PACSIN2: variants seen among roughly 807,000 people sequenced by gnomAD.
PACSIN2 encodes the protein protein kinase C and casein kinase substrate in neurons protein 2.
PACSIN2 carries 25 observed loss-of-function variants against 63.8 expected under a neutral mutation model. That is an observed-to-expected ratio of 0.39 (90% CI 0.29 to 0.55). PACSIN2 has a LOEUF of 0.55. PACSIN2 is among the 20% of genes least tolerant of loss of function. The pLI, the probability that PACSIN2 is intolerant of heterozygous loss-of-function variation, is 0.62. For missense variants in PACSIN2, 518 were observed against 646.9 expected (o/e 0.80, Z 2.16); for synonymous variants, 255 against 256.2 (o/e 1.00, Z 0.05).
At chr22:42,957,119 G>T (rs543093604) in intron 1 of PACSIN2, among the ~76,000 whole-genome samples, 1 of 152,274 alleles carries the variant, frequency 6.6e-6, no homozygotes, top group Non-Finnish European at 1.5e-5. Flanking sequence ...AATGTCGCCT[G>T]GCTCACCAAA....
chr22:42,939,441 A>C (rs566388376), intron 1 of PACSIN2, among the ~76,000 whole-genome samples: 6 of 152,326 alleles, frequency 3.9e-5, no homozygotes, highest in African/African-American at 1.4e-4. Flanking sequence ...GATGTACAAG[A>C]GTCTAAAGAT....
chr22:42,985,428 G>T (rs1417439277), intron 1 of PACSIN2, among the ~76,000 whole-genome samples: 2 of 152,220 alleles, frequency 1.3e-5, no homozygotes, highest in Non-Finnish European at 2.9e-5. Flanking sequence ...CACAAGGGCA[G>T]CAGATGGGCA....
chr22:42,892,486 G>A (rs1332399880), intron 3 of PACSIN2, among the ~76,000 whole-genome samples: 2 of 152,198 alleles, frequency 1.3e-5, no homozygotes, highest in African/African-American at 4.8e-5. Context: ...AGGTGAGGGT[G>A]GTAAGGGTGC....
At chr22:42,916,050 C>G (rs975986996) in intron 1 of PACSIN2, among the ~76,000 whole-genome samples, 2 of 151,982 alleles carry the variant, frequency 1.3e-5, no homozygotes, top group Admixed American at 1.3e-4. Context: ...GAAATCCGAG[C>G]TCTACCACTG....
At chr22:42,872,587 C>A (rs1270869352) in intron 10 of PACSIN2, among the ~76,000 whole-genome samples, 1 of 152,240 alleles carries the variant, frequency 6.6e-6, no homozygotes, top group Non-Finnish European at 1.5e-5. Flanking sequence ...GAGCTAATAC[C>A]TGGGGCTTCC....
chr22:42,950,428 G>GAGAGAGGGGA (rs1215594190), intron 1 of PACSIN2, among the ~76,000 whole-genome samples: 4 of 151,840 alleles, frequency 2.6e-5, no homozygotes, highest in East Asian at 1.9e-4. Flanking sequence ...AAGGGAGTGG[G>GAGAGAGGGGA]CAGGTGGGCA....
At position 42,989,745 on chromosome 22, in the gene PACSIN2, G is replaced by A. The variant is rs948588779; in HGVS notation, c.-78+25276C>T. ...CCTGGGAGGCAGAGATTGCAGCAGT[G>A]AGCTGAGATCGCGCCACCGCATTCC... is the stretch of plus-strand genomic sequence containing the variant. On this transcript the variant is annotated intron_variant, in intron 1 of 10. Transcript: ENST00000263246. Among the ~76,000 whole-genome samples the A allele has an allele frequency of 1.1e-4, 16 of 151,688 alleles. No individual in the cohort carries two copies. In the East Asian group the frequency reaches 1.9e-3, roughly 18 times the overall value.
At chr22:42,945,293 T>A (rs1423917905) in intron 1 of PACSIN2, among the ~76,000 whole-genome samples, 1 of 152,102 alleles carries the variant, frequency 6.6e-6, no homozygotes, top group East Asian at 1.9e-4. Flanking sequence ...AGCTCATTTC[T>A]GTAGTGGCTG....
chr22:42,874,875 G>GAC (rs1928478668), intron 10 of PACSIN2, among the ~76,000 whole-genome samples: 1 of 134,532 alleles, frequency 7.4e-6, no homozygotes, highest in Non-Finnish European at 1.6e-5. Context: ...TTTTGAAAAA[G>GAC]AGTTTTGCTC....
At chr22:42,975,621 T>C (rs890266342) in intron 1 of PACSIN2, among the ~76,000 whole-genome samples, 6 of 148,002 alleles carry the variant, frequency 4.1e-5, no homozygotes, top group South Asian at 2.2e-4. Flanking sequence ...CTTTTTTTTT[T>C]CCCTTTTTCT....
rs35091957 is a variant in PACSIN2 at position 42,912,057 on chromosome 22, G to A, written c.24C>T (p.Ser8=). ...TGTCGCTGGACACTTCTACTCCAACGGAATCATCATATGTGACAGACATTT... is the reference window on the plus strand; with the variant it reads ...TGTCGCTGGACACTTCTACTCCAACAGAATCATCATATGTGACAGACATTT... The part of the protein sequence containing the change: MSVTYDD[S]VGVEVSSDSF... The change falls in exon 2 of 11, where the codon TCC becomes TCT. Residue 8 remains serine, a synonymous_variant. Coordinates refer to ENST00000263246, the MANE Select transcript of PACSIN2 (RefSeq NM_001184970.3). 7,166 of 1,603,022 alleles carry A rather than the reference G, an allele frequency of 4.5e-3. 306 individuals are homozygous for A. In the African/African-American group the frequency reaches 0.088, roughly 20 times the overall value.
intron 1 of PACSIN2, among the ~76,000 whole-genome samples, chr22:42,968,279 T>C (rs2146861898): frequency 6.6e-6 from 1 of 152,282 alleles, no homozygotes; most frequent in African/African-American, 2.4e-5. Flanking sequence ...AGTTCAAGTC[T>C]GCCACCTTTT....
At chr22:43,000,645 G>C (rs1923709705) in intron 1 of PACSIN2, among the ~76,000 whole-genome samples, 1 of 152,182 alleles carries the variant, frequency 6.6e-6, no homozygotes, top group South Asian at 2.1e-4. Flanking sequence ...TGACTTGTCT[G>C]AGCTATAAGG....
At chr22:42,958,209 C>T (rs1476967165) in intron 1 of PACSIN2, among the ~76,000 whole-genome samples, 2 of 151,962 alleles carry the variant, frequency 1.3e-5, no homozygotes, top group Admixed American at 6.6e-5. Context: ...CAGACTCACT[C>T]GGCTACCAAC....
At chr22:43,011,931 G>C (rs1448748915) in intron 1 of PACSIN2, among the ~76,000 whole-genome samples, 1 of 151,940 alleles carries the variant, frequency 6.6e-6, no homozygotes, top group African/African-American at 2.4e-5. Flanking sequence ...TGGATCACAA[G>C]GTCAGGAAAT....
Position 42,952,505 on chromosome 22 carries a change from C to T in PACSIN2, c.-77-40348G>A, listed in dbSNP as rs867209746. Reference sequence around the variant, plus strand: ...TCCTGATTAGCTGGGACTTTAGGCGCGCACCACCACGCCTGGCTAATTTGT... The same window carrying T: ...TCCTGATTAGCTGGGACTTTAGGCGTGCACCACCACGCCTGGCTAATTTGT... On this transcript the variant is annotated intron_variant, in intron 1 of 10. Transcript: ENST00000263246. Among the ~76,000 whole-genome samples, 16 of 150,342 alleles carry T rather than the reference C, an allele frequency of 1.1e-4. No individual in the cohort carries two copies. In the South Asian group the frequency reaches 1.9e-3, roughly 18 times the overall value.
At chr22:42,924,547 C>A (rs995420373) in intron 1 of PACSIN2, among the ~76,000 whole-genome samples, 2 of 152,132 alleles carry the variant, frequency 1.3e-5, no homozygotes, top group Non-Finnish European at 2.9e-5. Context: ...TCCTCCCAGC[C>A]CGCATCTGCT....
intron 2 of PACSIN2, among the ~76,000 whole-genome samples, chr22:42,895,101 T>C (rs1930184965): frequency 6.6e-6 from 1 of 152,160 alleles, no homozygotes; most frequent in Non-Finnish European, 1.5e-5. Context: ...GCTCTACTCA[T>C]TCCCTCCAAA....
At chr22:42,907,802 C>T (rs936714302) in intron 2 of PACSIN2, among the ~76,000 whole-genome samples, 1 of 152,222 alleles carries the variant, frequency 6.6e-6, no homozygotes, top group Non-Finnish European at 1.5e-5. Context: ...GCCCAGGGCC[C>T]GGGTCATGGC....
Sources: allele counts gnomAD v4.1 joint callset (sites outside exome capture counted in the v4.1 genomes callset), GRCh38; gene constraint gnomAD v4.1.1; transcripts MANE v1.5; gene names NCBI Gene and HGNC (gene_info 2026-07-23, HGNC 2026-07-21).